The following ADGRG7 variants were observed in gnomAD, a reference collection of about 807,000 sequenced individuals.
ADGRG7 encodes G-protein coupled receptor 128.
In ADGRG7, 82 loss-of-function variants were observed where a neutral mutation model predicts 88.6. That is an observed-to-expected ratio of 0.93 (90% CI 0.77 to 1.11). ADGRG7 has a LOEUF of 1.11. ADGRG7 is among the 50% of genes most tolerant of loss of function. The probability of loss-of-function intolerance (pLI) is 0.00; values close to 1 mark genes in which losing one functional copy is unlikely to be tolerated. For missense variants in ADGRG7, 945 were observed against 953.4 expected, an observed-to-expected ratio of 0.99 and a Z score of 0.12; for synonymous variants, 381 against 345.2, an observed-to-expected ratio of 1.10 and a Z score of -1.15.
chr3:100,685,580 T>C (rs963041043), intron 15 of ADGRG7, among the ~76,000 whole-genome samples: 50 of 152,298 alleles, frequency 3.3e-4, no homozygotes, highest in African/African-American at 1.2e-3. Context: ...TGTGTCCATG[T>C]GTTCTCATTG....
chr3:100,610,082 C>T, intron 1 of ADGRG7, 111 bp downstream of exon 1: 1 of 775,482 alleles, frequency 1.3e-6, no homozygotes, highest in Non-Finnish European at 2.2e-6. Context: ...TGAGGCATTC[C>T]ACCAAGGTGC....
intron 15 of ADGRG7, among the ~76,000 whole-genome samples, chr3:100,670,326 A>G (rs1460576232): frequency 6.6e-6 from 1 of 152,222 alleles, no homozygotes; most frequent in African/African-American, 2.4e-5. Context: ...CCATGTTGTT[A>G]CAAATGACAG....
Position 100,659,248 on chromosome 3 carries a change from C to T in ADGRG7, c.1824-440C>T, listed in dbSNP as rs986433662. On this transcript the variant is annotated intron_variant, in intron 13 of 15. Transcript: ENST00000273352. ...GAGATCGAGACCATCCTGGCTAACA[C>T]GGTGAAACTCCGTCTCTACTAAAAA... 3.3e-5 allele frequency among the ~76,000 whole-genome samples: 5 copies of T among 151,294 alleles called. No homozygotes were observed. The East Asian group carries it at 5.8e-4, about 18-fold the overall frequency.
intron 1 of ADGRG7, among the ~76,000 whole-genome samples, chr3:100,619,806 A>G (rs1707281750): frequency 1.3e-5 from 2 of 152,236 alleles, no homozygotes; most frequent in East Asian, 3.8e-4. Context: ...TAGAAAATCT[A>G]GAAGAAATGG....
chr3:100,626,636 T>C (rs927258866), intron 1 of ADGRG7, among the ~76,000 whole-genome samples: 5 of 152,018 alleles, frequency 3.3e-5, no homozygotes, highest in Admixed American at 6.5e-5. Flanking sequence ...AATACAAAAA[T>C]TAGCTGGGCA....
intron 14 of ADGRG7, among the ~76,000 whole-genome samples, chr3:100,665,723 T>C (rs1387802908): frequency 6.6e-6 from 1 of 152,178 alleles, no homozygotes; most frequent in Non-Finnish European, 1.5e-5. Context: ...AGAAAAACCT[T>C]GGTAAAGGCT....
intron 1 of ADGRG7, 146 bp from the exon 2 acceptor site, chr3:100,629,449 ATTT>A: frequency 5.5e-6 from 3 of 547,044 alleles, no homozygotes; most frequent in South Asian, 2.4e-5. Context: ...CTCAGTGTAT[ATTT>A]TATTAATGAT....
intron 15 of ADGRG7, 118 bp downstream of exon 15, chr3:100,669,223 A>C: frequency 2.8e-6 from 2 of 702,572 alleles, no homozygotes; most frequent in Non-Finnish European, 4.2e-6. Context: ...GCGGTGGCTC[A>C]CGCCTGTAAT....
At chr3:100,645,500 C>T (rs1479647930) in intron 8 of ADGRG7, among the ~76,000 whole-genome samples, 1 of 152,236 alleles carries the variant, frequency 6.6e-6, no homozygotes, top group Non-Finnish European at 1.5e-5. Context: ...AGACCGACCT[C>T]ATCTGGGCTT....
chr3:100,634,425 AT>A (rs1289507700), intron 4 of ADGRG7, among the ~76,000 whole-genome samples: 2 of 152,184 alleles, frequency 1.3e-5, no homozygotes, highest in East Asian at 3.8e-4. Context: ...AGTTTATCAT[AT>A]TTAATTTTTA....
intron 13 of ADGRG7, among the ~76,000 whole-genome samples, chr3:100,659,202 G>A (rs1383266946): frequency 6.6e-6 from 1 of 152,010 alleles, no homozygotes; most frequent in Non-Finnish European, 1.5e-5. Flanking sequence ...GGAGGCCGAG[G>A]TGGGTGGATC....
At chr3:100,662,552 G>C (rs563437399) in intron 14 of ADGRG7, among the ~76,000 whole-genome samples, 17 of 152,232 alleles carry the variant, frequency 1.1e-4, no homozygotes, top group Admixed American at 5.9e-4. Flanking sequence ...ATAGTAACCT[G>C]AGAAGTTTTC....
chr3:100,691,531 C>G (rs1377786476), intron 15 of ADGRG7, among the ~76,000 whole-genome samples: 4 of 151,918 alleles, frequency 2.6e-5, no homozygotes, highest in African/African-American at 7.3e-5. Flanking sequence ...TTATGTCATC[C>G]CTTTTTAAAC....
chr3:100,645,798 A>G (rs1707733801), intron 8 of ADGRG7, 147 bp from the exon 9 acceptor site: 2 of 684,280 alleles, frequency 2.9e-6, no homozygotes, highest in African/African-American at 1.8e-5. Flanking sequence ...ACATATTGCA[A>G]TTAAGTAAAG....
rs117448267 is a variant in ADGRG7 at position 100,626,193 on chromosome 3, G to A, written c.116-3405G>A. Among the ~76,000 whole-genome samples, 39 of 152,256 alleles carry A rather than the reference G, an allele frequency of 2.6e-4. 1 individual carries two copies. The East Asian group carries it at 7.3e-3, about 29-fold the overall frequency. On this transcript the variant is annotated intron_variant, in intron 1 of 15. Transcript: ENST00000273352. ...AATTACTGCCTCAATTTCAGAGCTC[G>A]TTATTGACCTATTCAGGGATTTGGC...
chr3:100,668,596 G>C (rs747508673), intron 14 of ADGRG7, among the ~76,000 whole-genome samples: 12 of 151,900 alleles, frequency 7.9e-5, no homozygotes, highest in Non-Finnish European at 1.5e-4. Context: ...GAAGCTCCCA[G>C]GTGCCAAAAA....
intron 11 of ADGRG7, chr3:100,654,457 C>T (rs745317641): frequency 6.0e-6 from 1 of 165,858 alleles, no homozygotes; most frequent in Non-Finnish European, 1.3e-5. Flanking sequence ...GCTGCCAGGC[C>T]TTCTGTTGCA....
At chr3:100,655,426 C>T (rs2094936366) in intron 12 of ADGRG7, among the ~76,000 whole-genome samples, 1 of 151,916 alleles carries the variant, frequency 6.6e-6, no homozygotes, top group Non-Finnish European at 1.5e-5. Context: ...TGTTAATTTC[C>T]TTTAACATCT....
chr3:100,642,169 G>A (rs1707651496), intron 6 of ADGRG7, among the ~76,000 whole-genome samples: 1 of 152,156 alleles, frequency 6.6e-6, no homozygotes, highest in African/African-American at 2.4e-5. Context: ...GCAGCTCCTG[G>A]AACTCCCACT....
Sources: gnomAD v4.1 joint callset for allele counts (sites outside exome capture counted in the v4.1 genomes callset) on GRCh38, gnomAD v4.1.1 for gene constraint, MANE v1.5 for transcripts, NCBI Gene and HGNC (gene_info 2026-07-23, HGNC 2026-07-21) for gene names.